CDK14: variants seen among roughly 807,000 people sequenced by gnomAD.
The protein encoded by CDK14 is cyclin dependent kinase 14.
CDK14 carries 34 observed loss-of-function variants against 60.7 expected under a neutral mutation model. That is an observed-to-expected ratio of 0.56 (90% confidence interval 0.43 to 0.75). The LOEUF (loss-of-function observed/expected upper bound fraction) is 0.75, where lower values mean the gene tolerates loss of function less well. Ranked by LOEUF, CDK14 falls within the 30% of genes least tolerant of loss-of-function variation. The pLI, the probability that CDK14 is intolerant of heterozygous loss-of-function variation, is 0.00. For missense variants in CDK14, 482 were observed against 564.1 expected, an observed-to-expected ratio of 0.85 and a Z score of 1.47; for synonymous variants, 197 against 203.7, an observed-to-expected ratio of 0.97 and a Z score of 0.28.
chr7:91,023,531 C>T (rs528623326), intron 10 of CDK14, among the ~76,000 whole-genome samples: 9 of 152,296 alleles, frequency 5.9e-5, no homozygotes, highest in African/African-American at 2.2e-4. Context: ...CACTAGACTT[C>T]TCAGAGTTGC....
At chr7:91,087,306 G>C (rs1469035632) in intron 12 of CDK14, among the ~76,000 whole-genome samples, 1 of 152,072 alleles carries the variant, frequency 6.6e-6, no homozygotes, top group Non-Finnish European at 1.5e-5. Flanking sequence ...TGGTCTTACT[G>C]ACCTAAGAAT....
At chr7:91,102,312 A>G (rs1327155657) in intron 12 of CDK14, among the ~76,000 whole-genome samples, 1 of 152,234 alleles carries the variant, frequency 6.6e-6, no homozygotes, top group African/African-American at 2.4e-5. Context: ...ACATAGGCCC[A>G]TAGTGAGTGT....
At chr7:90,730,449 T>A (rs1802817507) in intron 3 of CDK14, among the ~76,000 whole-genome samples, 1 of 152,214 alleles carries the variant, frequency 6.6e-6, no homozygotes, top group Non-Finnish European at 1.5e-5. Context: ...CCACGATGAT[T>A]GAACTAATTT....
intron 9 of CDK14, among the ~76,000 whole-genome samples, chr7:90,971,555 G>A (rs1379666066): frequency 6.6e-6 from 1 of 151,654 alleles, no homozygotes; most frequent in Non-Finnish European, 1.5e-5. Context: ...ATTCAAAAAG[G>A]ATGGTAAGGA....
intron 5 of CDK14, among the ~76,000 whole-genome samples, chr7:90,811,355 A>G (rs1171205252): frequency 6.6e-6 from 1 of 152,008 alleles, no homozygotes; most frequent in African/African-American, 2.4e-5. Flanking sequence ...TGAGAAAAAC[A>G]AGCAATGGGG....
intron 6 of CDK14, among the ~76,000 whole-genome samples, chr7:90,885,446 G>T (rs902476771): frequency 4.6e-5 from 7 of 152,170 alleles, no homozygotes; most frequent in African/African-American, 1.7e-4. Context: ...TGGCGAGGCT[G>T]TGCAATAGGA....
intron 12 of CDK14, among the ~76,000 whole-genome samples, chr7:91,096,473 G>T (rs1373965644): frequency 6.6e-6 from 1 of 151,968 alleles, no homozygotes; most frequent in African/African-American, 2.4e-5. Flanking sequence ...CAGTTTGACT[G>T]CAACTTTGTC....
intron 12 of CDK14, among the ~76,000 whole-genome samples, chr7:91,095,581 C>G (rs2116291536): frequency 6.6e-6 from 1 of 152,176 alleles, no homozygotes; most frequent in African/African-American, 2.4e-5. Flanking sequence ...TTGGTATCAA[C>G]TTAACCAAGA....
At chr7:91,141,460 AAGAG>A (rs1051834916) in intron 14 of CDK14, among the ~76,000 whole-genome samples, 1 of 152,178 alleles carries the variant, frequency 6.6e-6, no homozygotes, top group Non-Finnish European at 1.5e-5. Context: ...CAGAGAGAGA[AAGAG>A]AGATAGAAAT....
At chr7:91,062,697 A>G (rs1797841350) in intron 11 of CDK14, among the ~76,000 whole-genome samples, 1 of 152,178 alleles carries the variant, frequency 6.6e-6, no homozygotes, top group Admixed American at 6.5e-5. Context: ...TCACTAGGGA[A>G]GGTAGACAGG....
chr7:90,798,107 G>T (rs1156872602), intron 5 of CDK14, among the ~76,000 whole-genome samples: 3 of 151,764 alleles, frequency 2.0e-5, no homozygotes, highest in African/African-American at 7.3e-5. Flanking sequence ...AATAGTTGGG[G>T]CCTTGATCAC....
intron 2 of CDK14, among the ~76,000 whole-genome samples, chr7:90,613,750 T>C (rs942548759): frequency 6.6e-6 from 1 of 152,130 alleles, no homozygotes; most frequent in Admixed American, 6.5e-5. Context: ...CTGTACAGCC[T>C]AACTACTCTA....
intron 7 of CDK14, 119 bp from the exon 8 acceptor site, chr7:90,917,482 A>C (rs954948336): frequency 1.2e-5 from 10 of 820,732 alleles, no homozygotes; most frequent in Non-Finnish European, 1.5e-5. Flanking sequence ...AATTTGGTAG[A>C]AAATTTGGTG....
At chr7:91,051,299 G>A (rs887980740) in intron 11 of CDK14, among the ~76,000 whole-genome samples, 13 of 152,104 alleles carry the variant, frequency 8.5e-5, no homozygotes, top group African/African-American at 3.1e-4. Context: ...CATGAGATTT[G>A]GAAGGGACAG....
At chr7:90,658,228 T>C (rs545554445) in intron 2 of CDK14, among the ~76,000 whole-genome samples, 2 of 152,262 alleles carry the variant, frequency 1.3e-5, no homozygotes, top group African/African-American at 2.4e-5. Flanking sequence ...TAACAAAATA[T>C]CTTAGACTGG....
rs1445322089 is a variant in CDK14 at position 90,790,664 on chromosome 7, T to C, written c.544+12T>C. 2 of 1,589,224 alleles carry C rather than the reference T, an allele frequency of 1.3e-6. No individual in the cohort carries two copies. Among genetic ancestry groups the C allele is most frequent in the Admixed American group, 3.4e-5 (2 of 59,352 alleles). ...AGCTATCAGGGAAGGTAGGCACTTTTCCTTGTTGATATTGCTTTTGTGTTT... is the reference window on the plus strand; with the variant it reads ...AGCTATCAGGGAAGGTAGGCACTTTCCCTTGTTGATATTGCTTTTGTGTTT... On this transcript the variant is annotated intron_variant, in intron 5 of 14. Transcript: ENST00000380050.
chr7:91,203,240 G>A (rs1652248584), intron 14 of CDK14, among the ~76,000 whole-genome samples: 1 of 152,008 alleles, frequency 6.6e-6, no homozygotes, highest in African/African-American at 2.4e-5. Context: ...CCATTTCACA[G>A]GCATCACATT....
chr7:90,638,921 A>G lies in CDK14; in HGVS notation c.123+34672A>G, dbSNP rs558113679. On this transcript the variant is annotated intron_variant, in intron 2 of 14. Transcript: ENST00000380050. Reference sequence around the variant, plus strand: ...GGTACCCTTTCTTCCAGTTGATCGCATCGGCTCCTGAGGCTTCTGCATTCT... The same window carrying G: ...GGTACCCTTTCTTCCAGTTGATCGCGTCGGCTCCTGAGGCTTCTGCATTCT... Among the ~76,000 whole-genome samples, 8 of 152,066 alleles carry G rather than the reference A, an allele frequency of 5.3e-5. No homozygotes were observed. In the South Asian group the frequency reaches 1.0e-3, roughly 20 times the overall value.
intron 2 of CDK14, among the ~76,000 whole-genome samples, chr7:90,705,130 A>G (rs1432241856): frequency 6.6e-6 from 1 of 151,490 alleles, no homozygotes; most frequent in Non-Finnish European, 1.5e-5. Context: ...TGTTTTCTTT[A>G]TTACTTTTGA....
Sources: gnomAD v4.1 joint callset for allele counts (sites outside exome capture counted in the v4.1 genomes callset) on GRCh38, gnomAD v4.1.1 for gene constraint, MANE v1.5 for transcripts, NCBI Gene and HGNC (gene_info 2026-07-23, HGNC 2026-07-21) for gene names.